The following SAMD5 variants were observed in gnomAD, a reference collection of about 807,000 sequenced individuals.
SAMD5 encodes the protein sterile alpha motif domain-containing protein 5.
A neutral mutation model predicts 11.3 loss-of-function variants in SAMD5; 13 were observed. The observed-to-expected ratio is 1.15, with a 90% CI of 0.75 to 1.83. The LOEUF is 1.83. Among genes scored for constraint, SAMD5 ranks in the 40% most tolerant of loss-of-function variants. The probability of loss-of-function intolerance (pLI) is 0.00; values close to 1 mark genes in which losing one functional copy is unlikely to be tolerated. For synonymous variants in SAMD5, 129 were observed against 111.3 expected (o/e 1.16, Z -1.00); for missense variants, 255 against 239.1 (o/e 1.07, Z -0.44).
the SAMD5 span, among the ~76,000 whole-genome samples, chr6:147,925,682 C>CTTTTTTTTTTTTT: frequency 8.7e-6 from 1 of 115,282 alleles, no homozygotes; most frequent in Non-Finnish European, 1.8e-5. Flanking sequence ...ACTGAGAATT[C>CTTTTTTTTTTTTT]TTTTTTTTTT....
rs552315811 is a variant in SAMD5 at position 147,564,668 on chromosome 6, G to A, written c.*212G>A. On this transcript the variant is annotated 3_prime_UTR_variant, in exon 2 of 2. Transcript: ENST00000367474. ...TAGAAATAAGGCAGTGAACTATCACGCATAAAGAAGTATTGAGTTCATTTT... is the reference window on the plus strand; with the variant it reads ...TAGAAATAAGGCAGTGAACTATCACACATAAAGAAGTATTGAGTTCATTTT... The A allele has an allele frequency of 1.3e-4, 173 of 1,308,486 alleles. No homozygotes were observed. The highest frequency in any genetic ancestry group is 1.6e-4 in the Non-Finnish European group (164 of 1,026,466). The allele number at this position is 1,308,486 out of a possible 1,614,324, so 81.1% of individuals were successfully genotyped here. A position where few individuals can be genotyped will look rare whatever the true frequency, so the allele number is the denominator to read the frequency against.
the SAMD5 span, among the ~76,000 whole-genome samples, chr6:147,817,209 C>T: frequency 6.6e-6 from 1 of 152,198 alleles, no homozygotes; most frequent in Non-Finnish European, 1.5e-5. Context: ...ATGTCATATT[C>T]ATATTTATAT....
chr6:147,951,404 T>A, the SAMD5 span, among the ~76,000 whole-genome samples: 2 of 152,072 alleles, frequency 1.3e-5, no homozygotes, highest in Non-Finnish European at 2.9e-5. Context: ...ATGGTTTCGA[T>A]ATCCTGGCCT....
At chr6:147,807,333 G>A in the SAMD5 span, among the ~76,000 whole-genome samples, 1 of 152,032 alleles carries the variant, frequency 6.6e-6, no homozygotes, top group Non-Finnish European at 1.5e-5. Context: ...TCGATCTCCT[G>A]ACCTCATGAT....
chr6:147,812,944 T>G, the SAMD5 span, among the ~76,000 whole-genome samples: 1 of 152,250 alleles, frequency 6.6e-6, no homozygotes, highest in African/African-American at 2.4e-5. Flanking sequence ...ATTAAAATGA[T>G]TGGCTTCACA....
chr6:147,639,348 G>A (rs1024561190), intron 1 of SAMD5, among the ~76,000 whole-genome samples: 2 of 152,154 alleles, frequency 1.3e-5, no homozygotes, highest in African/African-American at 2.4e-5. Context: ...ATCCAAGATA[G>A]GATATTAAAG....
the SAMD5 span, among the ~76,000 whole-genome samples, chr6:147,909,607 T>C: frequency 2.1e-3 from 150 of 70,596 alleles, no homozygotes; most frequent in African/African-American, 0.012. Context: ...TTTCTTTCTT[T>C]CTTTCTTTCT....
the SAMD5 span, among the ~76,000 whole-genome samples, chr6:147,898,400 C>T: frequency 3.9e-5 from 6 of 152,290 alleles, no homozygotes; most frequent in Non-Finnish European, 1.5e-5. Context: ...ACTTATTTAT[C>T]TCCCTCTAGG....
chr6:147,523,028 C>T (rs1336229198), intron 1 of SAMD5, among the ~76,000 whole-genome samples: 2 of 152,054 alleles, frequency 1.3e-5, no homozygotes, highest in Non-Finnish European at 2.9e-5. Context: ...CTCCCAGGTT[C>T]TGGAATTCTA....
intron 1 of SAMD5, among the ~76,000 whole-genome samples, chr6:147,577,798 G>A (rs9497808): frequency 1.3e-5 from 2 of 151,568 alleles, no homozygotes; most frequent in Admixed American, 6.6e-5. Flanking sequence ...AAAATAGCCA[G>A]GTTTTATGTA....
At chr6:147,843,583 A>T in the SAMD5 span, among the ~76,000 whole-genome samples, 3 of 152,304 alleles carry the variant, frequency 2.0e-5, no homozygotes, top group East Asian at 5.8e-4. Context: ...ACACCATGGG[A>T]TTTCTAAACA....
chr6:147,832,646 T>C, the SAMD5 span, among the ~76,000 whole-genome samples: 1 of 152,230 alleles, frequency 6.6e-6, no homozygotes, highest in African/African-American at 2.4e-5. Flanking sequence ...CTGATGATTC[T>C]AATTACTTTT....
Position 147,579,947 on chromosome 6 carries a change from A to G in SAMD5, c.162+70560A>G, listed in dbSNP as rs1789272913. 2.0e-5 allele frequency among the ~76,000 whole-genome samples: 3 copies of G among 152,172 alleles called. No homozygotes were observed. The South Asian group carries it at 6.2e-4, about 31-fold the overall frequency. On this transcript the variant is annotated intron_variant, in intron 1 of 1. Coordinates refer to the SAMD5 transcript ENST00000566741. ...CAAACTAGATTTAACTCCTATCATC[A>G]TGGAGATTTTCTTTCTAGAGAAATA...
At chr6:147,509,692 C>T (rs532770893) in intron 1 of SAMD5, among the ~76,000 whole-genome samples, 1 of 152,288 alleles carries the variant, frequency 6.6e-6, no homozygotes, top group South Asian at 2.1e-4. Flanking sequence ...CACCTGGTAG[C>T]CAGGGGGAAT....
At chr6:147,862,778 A>C in the SAMD5 span, among the ~76,000 whole-genome samples, 2 of 152,212 alleles carry the variant, frequency 1.3e-5, no homozygotes, top group Non-Finnish European at 2.9e-5. Context: ...CACTTCCAAG[A>C]ATAGCCTCTT....
intron 1 of SAMD5, among the ~76,000 whole-genome samples, chr6:147,526,072 A>G (rs1370344291): frequency 1.3e-5 from 2 of 152,180 alleles, no homozygotes; most frequent in Non-Finnish European, 2.9e-5. Flanking sequence ...CTAGAAATGA[A>G]TTCCTAGGGC....
the SAMD5 span, among the ~76,000 whole-genome samples, chr6:147,745,875 C>T: frequency 6.6e-6 from 1 of 151,160 alleles, no homozygotes; most frequent in Admixed American, 6.6e-5. Flanking sequence ...ACCTCACAGG[C>T]TCATTACAGG....
chr6:147,931,431 A>G, the SAMD5 span, among the ~76,000 whole-genome samples: 1,106 of 152,308 alleles, frequency 7.3e-3, 11 homozygotes, highest in African/African-American at 0.025. Flanking sequence ...GTTTACTAGA[A>G]GTATAATCTC....
At chr6:147,735,310 A>G (rs781648688) in intron 1 of SAMD5, among the ~76,000 whole-genome samples, 2 of 152,230 alleles carry the variant, frequency 1.3e-5, no homozygotes, top group African/African-American at 2.4e-5. Flanking sequence ...ATAATGGCAT[A>G]GGATGTTAGA....
Sources: allele counts gnomAD v4.1 joint callset (sites outside exome capture counted in the v4.1 genomes callset), GRCh38; gene constraint gnomAD v4.1.1; transcripts MANE v1.5; gene names NCBI Gene and HGNC (gene_info 2026-07-23, HGNC 2026-07-21).